Variants in MYH16 observed in about 807,000 individuals in gnomAD.
MYH16 encodes the protein myosin heavy chain 16, also known as putative uncharacterized protein MYH16.
At chr7:99,298,586 T>C (rs2150834326) in intron 36 of MYH16, among the ~76,000 whole-genome samples, 1 of 152,340 alleles carries the variant, frequency 6.6e-6, no homozygotes, top group South Asian at 2.1e-4. Context: ...AAGCAGAGAA[T>C]CTGTTATGTG....
rs757915588 is a variant in MYH16 at position 99,285,445 on chromosome 7, G to A, written n.3373+7G>A. The A allele has an allele frequency of 3.5e-4, 160 of 456,744 alleles. 1 individual carries two copies. The highest frequency in any genetic ancestry group is 7.9e-5 in the Non-Finnish European group (18 of 226,972). 28.3% of individuals were successfully genotyped at this position (456,744 alleles called of 1,614,324 possible). The stretch of plus-strand genomic sequence containing the variant: ...GAGGGCCATGAGAGCCAAGGTAAAT[G>A]AAATACGTTTCCCCTTCTTGAGTCA... On this transcript the variant is annotated splice_region_variant and intron_variant and non_coding_transcript_variant, in intron 27 of 41. Transcript: ENST00000439784.
chr7:99,289,728 G>A (rs551552276), intron 30 of MYH16, among the ~76,000 whole-genome samples: 5 of 152,260 alleles, frequency 3.3e-5, no homozygotes, highest in East Asian at 1.9e-4. Context: ...ATGTGTCAAC[G>A]ATTTATTTAA....
At position 99,294,030 on chromosome 7, in the gene MYH16, C is replaced by T. The variant is rs142314339; in HGVS notation, n.4162C>T. 146 of 452,708 alleles carry T rather than the reference C, an allele frequency of 3.2e-4. No homozygotes were observed. In the East Asian group the frequency reaches 7.3e-3, roughly 23 times the overall value. 28.0% of individuals were successfully genotyped at this position (452,708 alleles called of 1,614,324 possible). A position where few individuals can be genotyped will look rare whatever the true frequency, so the allele number is the denominator to read the frequency against. On this transcript the variant is annotated non_coding_transcript_exon_variant, in exon 33 of 42. Coordinates refer to ENST00000439784, the Ensembl canonical transcript of MYH16. ...CCCTCATTTGCAGGAGGAAGCTGGC[C>T]GCCAGGCTTCAGGAGGCAGAAGAAG...
chr7:99,298,011 G>A lies in MYH16; in HGVS notation n.4740+16G>A, dbSNP rs1283506557. On this transcript the variant is annotated intron_variant and non_coding_transcript_variant, in intron 36 of 41. Transcript: ENST00000439784. Reference sequence around the variant, plus strand: ...AGGCTACCAGGTATGGAGCTGGTGGGATGGGAGGCTGACTCTTGGGAAGTG... The same window carrying A: ...AGGCTACCAGGTATGGAGCTGGTGGAATGGGAGGCTGACTCTTGGGAAGTG... The A allele has an allele frequency of 2.2e-6, 1 of 456,640 alleles. No individual in the cohort carries two copies. The highest frequency in any genetic ancestry group is 2.3e-5 in the Admixed American group (1 of 42,566). The allele number at this position is 456,640 out of a possible 1,614,324, so 28.3% of individuals were successfully genotyped here.
At chr7:99,266,342 C>T (rs1025556771) in intron 17 of MYH16, among the ~76,000 whole-genome samples, 1 of 152,108 alleles carries the variant, frequency 6.6e-6, no homozygotes, top group Non-Finnish European at 1.5e-5. Context: ...TGCTTCTGGA[C>T]GAACACTGGG....
At chr7:99,244,263 C>G (rs1446617325) in intron 2 of MYH16, among the ~76,000 whole-genome samples, 1 of 152,198 alleles carries the variant, frequency 6.6e-6, no homozygotes, top group Non-Finnish European at 1.5e-5. Flanking sequence ...TGACTTGTAG[C>G]CTGAGGCACT....
At chr7:99,283,450 C>T (rs1792229813) in intron 23 of MYH16, 115 bp from the exon 6 acceptor site, 3 of 406,476 alleles carry the variant, frequency 7.4e-6, no homozygotes, top group African/African-American at 4.1e-5. Flanking sequence ...CTGAAGTCAA[C>T]TGAACTCCCC....
chr7:99,273,363 G>C (rs750294945), exon 20 of MYH16: 10 of 456,628 alleles, frequency 2.2e-5, no homozygotes, highest in African/African-American at 1.8e-4. Flanking sequence ...AAGTCATTCA[G>C]CAGAACGTGC....
intron 26 of MYH16, 25 bp from the exon 9 acceptor site, chr7:99,285,357 A>T (rs938966974): frequency 2.8e-5 from 13 of 456,524 alleles, no homozygotes; most frequent in African/African-American, 2.6e-4. Context: ...GCAGAGATGA[A>T]TCCCCTCCCT....
chr7:99,263,047 G>A (rs1791952612), intron 13 of MYH16, among the ~76,000 whole-genome samples: 1 of 152,164 alleles, frequency 6.6e-6, no homozygotes, highest in Admixed American at 6.5e-5. Context: ...AGAGTAGCAG[G>A]GGAGTCTGGG....
At chr7:99,255,000 G>A (rs1006117020) in intron 8 of MYH16, among the ~76,000 whole-genome samples, 2 of 152,128 alleles carry the variant, frequency 1.3e-5, no homozygotes, top group African/African-American at 4.8e-5. Context: ...TGGGCGCAAT[G>A]GCTCACACAT....
intron 2 of MYH16, among the ~76,000 whole-genome samples, chr7:99,243,905 ACATCCATC>A (rs1211986069): frequency 6.8e-6 from 1 of 147,874 alleles, no homozygotes; most frequent in Non-Finnish European, 1.5e-5. Flanking sequence ...ATCCATCCAA[ACATCCATC>A]CATCCATCCA....
intron 9 of MYH16, among the ~76,000 whole-genome samples, chr7:99,256,051 T>G (rs1026736126): frequency 2.0e-4 from 31 of 152,020 alleles, no homozygotes; most frequent in Non-Finnish European, 3.7e-4. Context: ...TTAGGATTAT[T>G]TGTGTACTAG....
chr7:99,287,024 G>A lies in MYH16; in HGVS notation n.3460+500G>A, dbSNP rs552154417. Among the ~76,000 whole-genome samples, 6 of 152,310 alleles carry A rather than the reference G, an allele frequency of 3.9e-5. No homozygotes were observed. The South Asian group carries it at 6.2e-4, about 16-fold the overall frequency. On this transcript the variant is annotated intron_variant and non_coding_transcript_variant, in intron 28 of 41. Transcript: ENST00000439784. ...GAAAGGGCACAGCAGGCCACGCAGG[G>A]CCAGAGAGGCACTGGGGCTGGTTAG...
intron 4 of MYH16, among the ~76,000 whole-genome samples, chr7:99,249,177 A>G (rs4412306): frequency 0.95 from 144,088 of 152,170 alleles, 68,287 homozygotes; most frequent in Middle Eastern, 0.99. Flanking sequence ...TTAAACTGAC[A>G]GGGTGGCCTC....
chr7:99,286,713 C>T (rs1286024247), intron 28 of MYH16, among the ~76,000 whole-genome samples: 1 of 152,000 alleles, frequency 6.6e-6, no homozygotes, highest in Non-Finnish European at 1.5e-5. Context: ...AATCCCAACA[C>T]CTGGGGAGGC....
At chr7:99,294,041 A>G (rs1792433736) in exon 33 of MYH16, 1 of 454,802 alleles carries the variant, frequency 2.2e-6, no homozygotes, top group Non-Finnish European at 4.4e-6. Context: ...GCCAGGCTTC[A>G]GGAGGCAGAA....
intron 34 of MYH16, 61 bp from the exon 16 acceptor site, chr7:99,297,599 G>A (rs1442239030): frequency 1.2e-5 from 5 of 424,912 alleles, no homozygotes; most frequent in African/African-American, 4.1e-5. Flanking sequence ...GAGGAATGAC[G>A]GTGCCACCTG....
chr7:99,302,376 C>T (rs2150837611), intron 38 of MYH16, among the ~76,000 whole-genome samples: 1 of 146,974 alleles, frequency 6.8e-6, no homozygotes, highest in East Asian at 2.0e-4. Flanking sequence ...CCCAACCTGG[C>T]CAACATGGTG....
Sources: gnomAD v4.1 joint callset for allele counts (sites outside exome capture counted in the v4.1 genomes callset) on GRCh38, gnomAD v4.1.1 for gene constraint, MANE v1.5 for transcripts, NCBI Gene and HGNC (gene_info 2026-07-23, HGNC 2026-07-21) for gene names.